The following RBFOX1 variants were observed in gnomAD, a reference collection of about 807,000 sequenced individuals.
The protein encoded by RBFOX1 is RNA binding fox-1 homolog 1, also known as RNA binding protein fox-1 homolog 1.
In RBFOX1, 8 loss-of-function variants were observed where a neutral mutation model predicts 57.7. The ratio of observed to expected loss-of-function variants is 0.14; its 90% CI spans 0.08 to 0.25. RBFOX1 has a LOEUF of 0.25. Ranked by LOEUF, RBFOX1 falls within the 10% of genes least tolerant of loss-of-function variation. RBFOX1 has a pLI of 1.00. For missense variants in RBFOX1, 611 were observed against 548.5 expected, an observed-to-expected ratio of 1.11 and a Z score of -1.14; for synonymous variants, 326 against 222.4, an observed-to-expected ratio of 1.47 and a Z score of -4.15.
intron 2 of RBFOX1, among the ~76,000 whole-genome samples, chr16:5,554,721 C>T (rs533093986): frequency 1.3e-5 from 2 of 152,240 alleles, no homozygotes; most frequent in Non-Finnish European, 2.9e-5. Context: ...TATTCACAAA[C>T]GTCTCAGGGA....
chr16:7,300,913 G>T (rs1264635867), intron 4 of RBFOX1, among the ~76,000 whole-genome samples: 1 of 152,176 alleles, frequency 6.6e-6, no homozygotes, highest in Non-Finnish European at 1.5e-5. Flanking sequence ...CTGAAATGCA[G>T]GCAGGGTGGC....
chr16:5,377,913 C>G (rs1000162213), intron 1 of RBFOX1, among the ~76,000 whole-genome samples: 1 of 151,806 alleles, frequency 6.6e-6, no homozygotes, highest in East Asian at 1.9e-4. Context: ...CCGTTTGAAA[C>G]CGTTTCTTAC....
chr16:6,089,018 C>T (rs192869885), intron 1 of RBFOX1, among the ~76,000 whole-genome samples: 100 of 151,050 alleles, frequency 6.6e-4, no homozygotes, highest in African/African-American at 2.2e-3. Context: ...ACAGCTTGAA[C>T]CCAGGAGGCG....
At chr16:7,350,360 G>A (rs923004146) in intron 4 of RBFOX1, among the ~76,000 whole-genome samples, 2 of 152,158 alleles carry the variant, frequency 1.3e-5, no homozygotes, top group African/African-American at 4.8e-5. Context: ...TGGTCAGTAT[G>A]GCTGTGACAC....
chr16:5,669,550 G>C (rs2049953933), intron 3 of RBFOX1, among the ~76,000 whole-genome samples: 1 of 150,492 alleles, frequency 6.6e-6, no homozygotes. Context: ...CTGCCAAGTA[G>C]CCGGGATTGC....
In RBFOX1 at chr16:5,248,143, G is replaced by C. The variant is rs542407126; in HGVS notation, c.219+8038G>C. 7.2e-5 allele frequency among the ~76,000 whole-genome samples: 11 copies of C among 152,340 alleles called. No homozygotes were observed. The East Asian group carries it at 1.4e-3, about 19-fold the overall frequency. ...CTGTCTTGGCGCTGCCACTCTGAGG[G>C]ATGGAGCCCCCAAATTACTAGGAAG... On this transcript the variant is annotated intron_variant, in intron 1 of 2. Coordinates refer to the RBFOX1 transcript ENST00000585867.
At chr16:5,713,375 G>T (rs1267612881) in intron 3 of RBFOX1, among the ~76,000 whole-genome samples, 1 of 152,144 alleles carries the variant, frequency 6.6e-6, no homozygotes, top group Non-Finnish European at 1.5e-5. Context: ...GCGTTTAAGA[G>T]CTCTTCTTGC....
intron 4 of RBFOX1, among the ~76,000 whole-genome samples, chr16:7,421,161 G>T (rs186324289): frequency 2.2e-3 from 337 of 152,180 alleles, no homozygotes; most frequent in Non-Finnish European, 3.5e-3. Flanking sequence ...CAGGAAAGTT[G>T]TATGTAATAG....
At chr16:7,697,391 G>C (rs138378140) in intron 14 of RBFOX1, among the ~76,000 whole-genome samples, 124 of 152,286 alleles carry the variant, frequency 8.1e-4, no homozygotes, top group Middle Eastern at 6.8e-3. Context: ...AATCCCTGAG[G>C]AAAGCAAACC....
At chr16:7,655,464 T>C (rs927589088) in intron 12 of RBFOX1, among the ~76,000 whole-genome samples, 10 of 152,218 alleles carry the variant, frequency 6.6e-5, no homozygotes, top group African/African-American at 2.4e-4. Context: ...GTCAAATGTA[T>C]TTGTATGTCT....
At chr16:6,248,559 G>C (rs2097583043) in intron 1 of RBFOX1, among the ~76,000 whole-genome samples, 1 of 152,156 alleles carries the variant, frequency 6.6e-6, no homozygotes, top group African/African-American at 2.4e-5. Context: ...GAAGGGGGAA[G>C]ATCCCCGAGG....
intron 2 of RBFOX1, among the ~76,000 whole-genome samples, chr16:6,345,935 C>T (rs576852242): frequency 4.6e-5 from 7 of 152,062 alleles, no homozygotes; most frequent in African/African-American, 1.2e-4. Context: ...CAGGACAACT[C>T]GAAACAAAGG....
chr16:7,547,833 A>G (rs2085035415), intron 5 of RBFOX1, among the ~76,000 whole-genome samples: 1 of 152,160 alleles, frequency 6.6e-6, no homozygotes, highest in Admixed American at 6.5e-5. Flanking sequence ...ATGAACATGG[A>G]GGTTGTGTGT....
At position 5,789,811 on chromosome 16, in the gene RBFOX1, G is replaced by A. The variant is rs565898187; in HGVS notation, c.319-77492G>A. 5.9e-5 allele frequency among the ~76,000 whole-genome samples: 9 copies of A among 152,202 alleles called. No homozygotes were observed. The South Asian group carries it at 1.9e-3, about 32-fold the overall frequency. On this transcript the variant is annotated intron_variant, in intron 3 of 19. Transcript: ENST00000641259. Reference sequence around the variant, plus strand: ...GATCTCAAGATGTCTCCTTCTAACCGCCAGGCCAACCTTCCTGAATTCACC... The same window carrying A: ...GATCTCAAGATGTCTCCTTCTAACCACCAGGCCAACCTTCCTGAATTCACC...
In RBFOX1 at chr16:6,373,692, G is replaced by C. The variant is rs74733079; in HGVS notation, c.-64+56635G>C. Among the ~76,000 whole-genome samples the C allele has an allele frequency of 6.0e-4, 92 of 152,262 alleles. No homozygotes were observed. In the East Asian group the frequency reaches 0.016, roughly 27 times the overall value. ...AGTTGGATGGAAGAATGGTTTTCAT[G>C]CAAGAGCATTTGGGTTAGGGGATGG... is the stretch of plus-strand genomic sequence containing the variant. On this transcript the variant is annotated intron_variant, in intron 2 of 15. Coordinates refer to ENST00000550418, the MANE Select transcript of RBFOX1 (RefSeq NM_018723.4).
intron 2 of RBFOX1, among the ~76,000 whole-genome samples, chr16:6,385,923 T>A (rs1259269616): frequency 7.9e-6 from 1 of 126,730 alleles, no homozygotes; most frequent in Non-Finnish European, 1.7e-5. Context: ...TAAGAACTCA[T>A]TTCTTTTTTT....
intron 3 of RBFOX1, among the ~76,000 whole-genome samples, chr16:5,626,772 GTT>G (rs1408224176): frequency 6.6e-6 from 1 of 151,592 alleles, no homozygotes; most frequent in Non-Finnish European, 1.5e-5. Context: ...TTCAACCAGG[GTT>G]TTAAAAAAAA....
rs1205602681 is a variant in RBFOX1, at chr16:6,049,291, T to G, written c.-127+29299T>G. Among the ~76,000 whole-genome samples, 3 of 150,714 alleles carry G rather than the reference T, an allele frequency of 2.0e-5. No individual in the cohort carries two copies. In the Admixed American group the frequency reaches 2.0e-4, roughly 10 times the overall value. On this transcript the variant is annotated intron_variant, in intron 1 of 15. Transcript: ENST00000550418. ...ATTGGTCAGGCTGGTCTCAAACTCC[T>G]GACTTCGGGTGATCCACCCACCTCA...
At chr16:6,955,961 C>T (rs2046980) in intron 3 of RBFOX1, among the ~76,000 whole-genome samples, 34,232 of 151,182 alleles carry the variant, frequency 0.23, 3,995 homozygotes, top group South Asian at 0.26. Flanking sequence ...CCACCTTGGC[C>T]TCCCGAAGTG....
Sources: allele counts gnomAD v4.1 joint callset (sites outside exome capture counted in the v4.1 genomes callset), GRCh38; gene constraint gnomAD v4.1.1; transcripts MANE v1.5; gene names NCBI Gene and HGNC (gene_info 2026-07-23, HGNC 2026-07-21).